Variants in TRIM24 observed in about 807,000 individuals in gnomAD.
TRIM24 encodes tripartite motif containing 24.
TRIM24 carries 29 observed loss-of-function variants against 123.9 expected under a neutral mutation model. The observed-to-expected ratio is 0.23, with a 90% CI of 0.17 to 0.32. The LOEUF (loss-of-function observed/expected upper bound fraction) is 0.32, where lower values mean the gene tolerates loss of function less well. Ranked by LOEUF, TRIM24 falls within the 10% of genes least tolerant of loss-of-function variation. TRIM24 has a pLI of 1.00. For missense variants in TRIM24, 932 were observed against 1,295.3 expected (o/e 0.72, Z 4.31); for synonymous variants, 456 against 461.1 (o/e 0.99, Z 0.14).
chr7:138,509,248 C>T lies in TRIM24; in HGVS notation c.483+4840C>T, dbSNP rs186271003. ...ACAAGTGTGAGCCACTGCACCCAGC[C>T]GAAATGTTGGTTCTTAATTGCATTG... On this transcript the variant is annotated intron_variant, in intron 2 of 18. Coordinates refer to ENST00000343526, the MANE Select transcript of TRIM24 (RefSeq NM_015905.3). Among the ~76,000 whole-genome samples, 331 of 151,022 alleles carry T rather than the reference C, an allele frequency of 2.2e-3. 3 individuals are homozygous for T. The highest frequency in any genetic ancestry group is 9.3e-4 in the Non-Finnish European group (63 of 67,814).
At chr7:138,535,855 A>G (rs905612408) in intron 6 of TRIM24, among the ~76,000 whole-genome samples, 13 of 151,738 alleles carry the variant, frequency 8.6e-5, no homozygotes, top group Non-Finnish European at 1.6e-4. Context: ...AGGTACACCA[A>G]TCAGACATAG....
intron 1 of TRIM24, among the ~76,000 whole-genome samples, chr7:138,489,307 C>T (rs1473307534): frequency 2.0e-5 from 3 of 152,150 alleles, no homozygotes; most frequent in African/African-American, 7.2e-5. Context: ...ATCCAATTTG[C>T]CAGTCTTTGT....
chr7:138,480,924 T>C (rs924800404), intron 1 of TRIM24, among the ~76,000 whole-genome samples: 4 of 152,162 alleles, frequency 2.6e-5, no homozygotes, highest in African/African-American at 9.6e-5. Flanking sequence ...AAGCACTTGT[T>C]TGAGTCTCTC....
At chr7:138,551,869 A>G (rs1017451026) in intron 8 of TRIM24, among the ~76,000 whole-genome samples, 4 of 152,184 alleles carry the variant, frequency 2.6e-5, no homozygotes, top group Non-Finnish European at 5.9e-5. Context: ...CTTAGGGAAG[A>G]CTTTTAGTTT....
At chr7:138,479,353 G>A (rs748151618) in intron 1 of TRIM24, among the ~76,000 whole-genome samples, 4 of 151,752 alleles carry the variant, frequency 2.6e-5, no homozygotes, top group Non-Finnish European at 2.9e-5. Context: ...GAAGTTAACC[G>A]TTTGTCCAAC....
chr7:138,477,530 C>T (rs2116469963), intron 1 of TRIM24, among the ~76,000 whole-genome samples: 1 of 152,190 alleles, frequency 6.6e-6, no homozygotes, highest in Middle Eastern at 3.4e-3. Context: ...GAACGTTGTT[C>T]TGTATCAACC....
chr7:138,544,165 C>A (rs1797057080), intron 7 of TRIM24, among the ~76,000 whole-genome samples: 1 of 152,106 alleles, frequency 6.6e-6, no homozygotes, highest in Non-Finnish European at 1.5e-5. Flanking sequence ...AAATTTGTAC[C>A]CTTTGACTTC....
At chr7:138,552,134 A>G (rs908888448) in intron 8 of TRIM24, among the ~76,000 whole-genome samples, 33 of 152,148 alleles carry the variant, frequency 2.2e-4, no homozygotes, top group African/African-American at 8.0e-4. Context: ...ATTGCATGCT[A>G]TACCGGTTTG....
At chr7:138,464,250 C>A (rs1459935199) in intron 1 of TRIM24, among the ~76,000 whole-genome samples, 1 of 151,844 alleles carries the variant, frequency 6.6e-6, no homozygotes, top group African/African-American at 2.4e-5. Flanking sequence ...CCTGCCTTGG[C>A]CCCCAGAAGT....
At chr7:138,463,824 A>G (rs1259945624) in intron 1 of TRIM24, among the ~76,000 whole-genome samples, 1 of 152,086 alleles carries the variant, frequency 6.6e-6, no homozygotes, top group Non-Finnish European at 1.5e-5. Flanking sequence ...TTTTTATACT[A>G]GGAAAAACGT....
chr7:138,527,757 GT>G (rs1796639104), intron 5 of TRIM24, among the ~76,000 whole-genome samples: 1 of 152,140 alleles, frequency 6.6e-6, no homozygotes, highest in South Asian at 2.1e-4. Flanking sequence ...GGTACCGTAT[GT>G]TTTTCTTTCT....
intron 2 of TRIM24, among the ~76,000 whole-genome samples, chr7:138,512,304 G>A: frequency 6.6e-6 from 1 of 152,182 alleles, no homozygotes; most frequent in East Asian, 1.9e-4. Flanking sequence ...ACCATCCTGG[G>A]TTCTGGAGGA....
At chr7:138,557,990 C>G (rs1426339083) in intron 9 of TRIM24, among the ~76,000 whole-genome samples, 3 of 152,152 alleles carry the variant, frequency 2.0e-5, no homozygotes, top group African/African-American at 7.2e-5. Flanking sequence ...TGGTTATGCC[C>G]CTTTTATTTC....
At chr7:138,474,533 C>A (rs1431586717) in intron 1 of TRIM24, among the ~76,000 whole-genome samples, 1 of 152,128 alleles carries the variant, frequency 6.6e-6, no homozygotes, top group African/African-American at 2.4e-5. Context: ...TTTAAGAAAT[C>A]TTTGTCTAAC....
chr7:138,484,411 A>AG, intron 1 of TRIM24, among the ~76,000 whole-genome samples: 1 of 132,934 alleles, frequency 7.5e-6, no homozygotes, highest in Admixed American at 8.3e-5. Flanking sequence ...GCCTGGCCTT[A>AG]GATTTTTTTT....
intron 11 of TRIM24, among the ~76,000 whole-genome samples, 180 bp from the exon 12 acceptor site, chr7:138,573,327 G>A (rs968083663): frequency 6.6e-6 from 1 of 152,184 alleles, no homozygotes; most frequent in Non-Finnish European, 1.5e-5. Context: ...CACTAAGATA[G>A]TGAAAACCTT....
intron 2 of TRIM24, among the ~76,000 whole-genome samples, chr7:138,508,684 T>TGCGCGCGCGC (rs747170764): frequency 7.1e-4 from 38 of 53,498 alleles, no homozygotes; most frequent in Admixed American, 2.9e-3. Flanking sequence ...TGTGTGTGTG[T>TGCGCGCGCGC]GTGTGTGTGC....
At chr7:138,573,723 CT>C in intron 12 of TRIM24, 81 bp downstream of exon 12, 1 of 1,444,860 alleles carries the variant, frequency 6.9e-7, no homozygotes, top group South Asian at 1.4e-5. Flanking sequence ...CCCTCTTCTC[CT>C]TTTTTGTTGA....
Position 138,584,817 on chromosome 7 carries a change from G to GA in TRIM24, c.3025dup (p.Arg1009LysfsTer10). On this transcript the variant is annotated frameshift_variant, in exon 19 of 19. Coordinates refer to ENST00000343526, the MANE Select transcript of TRIM24 (RefSeq NM_015905.3). LOFTEE classifies it high-confidence loss of function. ...AGAACTTCTAAAGAACCTCTATCCAGAAAAAAGGTTTCCCAAACCAGAATT... is the reference window on the plus strand; with the variant it reads ...AGAACTTCTAAAGAACCTCTATCCAGAAAAAAAGGTTTCCCAAACCAGAATT... The GA allele has an allele frequency of 6.2e-7, 1 of 1,613,112 alleles. No homozygotes were observed. Among genetic ancestry groups the GA allele is most frequent in the Non-Finnish European group, 8.5e-7 (1 of 1,179,658 alleles).
Sources: gnomAD v4.1 joint callset for allele counts (sites outside exome capture counted in the v4.1 genomes callset) on GRCh38, gnomAD v4.1.1 for gene constraint, MANE v1.5 for transcripts, NCBI Gene and HGNC (gene_info 2026-07-23, HGNC 2026-07-21) for gene names.